CCNJL: variants seen among roughly 807,000 people sequenced by gnomAD.
The protein encoded by CCNJL is cyclin-J-like protein.
In CCNJL, 33 loss-of-function variants were observed where a neutral mutation model predicts 33.4. The observed-to-expected ratio is 0.99, with a 90% confidence interval of 0.75 to 1.32. CCNJL has a LOEUF of 1.32. CCNJL is among the 40% of genes most tolerant of loss of function. CCNJL has a pLI of 0.00. For synonymous variants in CCNJL, 227 were observed against 220.9 expected, an observed-to-expected ratio of 1.03 and a Z score of -0.24; for missense variants, 512 against 499.7, an observed-to-expected ratio of 1.02 and a Z score of -0.23.
At chr5:160,278,759 C>T (rs756385965) in intron 3 of CCNJL, among the ~76,000 whole-genome samples, 3 of 152,202 alleles carry the variant, frequency 2.0e-5, no homozygotes, top group African/African-American at 4.8e-5. Flanking sequence ...CCCAGCGGGC[C>T]GCGATGCAGC....
chr5:160,329,162 A>G (rs1056121807), intron 1 of CCNJL, among the ~76,000 whole-genome samples: 1 of 152,092 alleles, frequency 6.6e-6, no homozygotes, highest in Non-Finnish European at 1.5e-5. Flanking sequence ...ACAAAAAAAC[A>G]TTGTTTTGGA....
intron 1 of CCNJL, among the ~76,000 whole-genome samples, chr5:160,330,939 C>T (rs1000808240): frequency 6.6e-6 from 1 of 152,078 alleles, no homozygotes; most frequent in African/African-American, 2.4e-5. Flanking sequence ...AGGCGTGAGC[C>T]ACTGTGCCCG....
intron 1 of CCNJL, among the ~76,000 whole-genome samples, chr5:160,334,714 C>T (rs372326943): frequency 3.9e-5 from 6 of 152,304 alleles, no homozygotes; most frequent in East Asian, 3.9e-4. Flanking sequence ...CCGCTGTTGT[C>T]GAGCATTTCT....
At chr5:160,311,436 CATT>C (rs1395164559) in intron 2 of CCNJL, among the ~76,000 whole-genome samples, 4 of 152,194 alleles carry the variant, frequency 2.6e-5, no homozygotes, top group African/African-American at 9.7e-5. Context: ...ACTGCGACAT[CATT>C]ATTACAATAA....
intron 1 of CCNJL, among the ~76,000 whole-genome samples, chr5:160,321,978 G>A (rs1349368089): frequency 6.6e-6 from 1 of 152,198 alleles, no homozygotes; most frequent in Non-Finnish European, 1.5e-5. Context: ...GGCAGTGGGG[G>A]TGAGGAAAGG....
chr5:160,331,452 C>T (rs1386380026), intron 1 of CCNJL, among the ~76,000 whole-genome samples: 2 of 151,956 alleles, frequency 1.3e-5, no homozygotes, highest in African/African-American at 4.8e-5. Flanking sequence ...TCTTCATCTC[C>T]TGACCTCGTG....
intron 1 of CCNJL, among the ~76,000 whole-genome samples, chr5:160,337,099 G>A (rs1256436084): frequency 6.7e-6 from 1 of 149,704 alleles, no homozygotes; most frequent in Non-Finnish European, 1.5e-5. Context: ...TGCCTCCTGG[G>A]CTCAAGCAAT....
rs1051542542 is a variant in CCNJL, at chr5:160,251,378, C to T, written c.*2000G>A. The stretch of plus-strand genomic sequence containing the variant: ...CCTCTGCAATCACATGAGCCAATTC[C>T]TTAAAATAAATCTCTCTCCATATAT... On this transcript the variant is annotated 3_prime_UTR_variant, in exon 6 of 6. Transcript: ENST00000257536. 2.6e-5 allele frequency: 4 copies of T among 152,208 alleles called. No individual in the cohort carries two copies. The highest frequency in any genetic ancestry group is 4.8e-5 in the African/African-American group (2 of 41,438). 9.4% of individuals were successfully genotyped at this position (152,208 alleles called of 1,614,324 possible). A position where few individuals can be genotyped will look rare whatever the true frequency, so the allele number is the denominator to read the frequency against.
At chr5:160,254,301 C>T (rs556344188) in intron 5 of CCNJL, 8 of 665,790 alleles carry the variant, frequency 1.2e-5, no homozygotes, top group South Asian at 8.3e-5. Context: ...CCAAATTGAC[C>T]GCTGGGGCCT....
At chr5:160,289,680 A>C (rs540184630) in intron 2 of CCNJL, among the ~76,000 whole-genome samples, 10 of 152,318 alleles carry the variant, frequency 6.6e-5, no homozygotes, top group African/African-American at 2.4e-4. Context: ...AGGACTCATG[A>C]ATCACAGCCC....
rs895604675 is a variant in CCNJL, at chr5:160,270,392, C to T, written c.280+10133G>A. ...CTGGGAGGCGGAGGTTGCGGTGAGC[C>T]GAAATTGCGCCACTGCACACCAGCC... is the stretch of plus-strand genomic sequence containing the variant. On this transcript the variant is annotated intron_variant, in intron 3 of 5. Transcript: ENST00000257536. Among the ~76,000 whole-genome samples the T allele has an allele frequency of 4.0e-5, 6 of 151,604 alleles. No individual in the cohort carries two copies. The South Asian group carries it at 8.3e-4, about 21-fold the overall frequency.
rs1057214685 is a variant in CCNJL, at chr5:160,255,769, C to T, written c.584-61G>A. The stretch of plus-strand genomic sequence containing the variant: ...TCCTCCCCTTGGAATCCCAGGCCCA[C>T]CCTGAGAATGGATGGACAAATGAAT... On this transcript the variant is annotated intron_variant, in intron 4 of 5. Transcript: ENST00000257536. 23 of 1,444,974 alleles carry T rather than the reference C, an allele frequency of 1.6e-5. No individual in the cohort carries two copies. The Admixed American group carries it at 2.1e-4, about 13-fold the overall frequency. The allele number at this position is 1,444,974 out of a possible 1,614,324, so 89.5% of individuals were successfully genotyped here.
upstream of CCNJL, among the ~76,000 whole-genome samples, chr5:160,313,781 G>C (rs1763342296): frequency 6.6e-6 from 1 of 152,240 alleles, no homozygotes; most frequent in Non-Finnish European, 1.5e-5. Context: ...TTTAATGGTT[G>C]TGGGTAGATT....
intron 1 of CCNJL, among the ~76,000 whole-genome samples, chr5:160,324,627 G>GTCTATCTA (rs60714767): frequency 0.26 from 39,502 of 151,616 alleles, 5,680 homozygotes; most frequent in Non-Finnish European, 0.32. Context: ...AAAACTGTCT[G>GTCTATCTA]TCTATCTATC....
intron 2 of CCNJL, among the ~76,000 whole-genome samples, chr5:160,288,569 G>A (rs1280361658): frequency 6.6e-6 from 1 of 151,760 alleles, no homozygotes; most frequent in African/African-American, 2.4e-5. Context: ...GTTCACTGAT[G>A]AATCTTAAAA....
intron 3 of CCNJL, among the ~76,000 whole-genome samples, chr5:160,260,737 G>A (rs573539175): frequency 6.6e-6 from 1 of 152,248 alleles, no homozygotes; most frequent in South Asian, 2.1e-4. Context: ...CCTGTCCTTG[G>A]CAGTTCTTGC....
At chr5:160,316,396 A>C (rs1044535224), upstream of CCNJL, among the ~76,000 whole-genome samples, 4 of 150,452 alleles carry the variant, frequency 2.7e-5, no homozygotes, top group African/African-American at 9.8e-5. Context: ...CATTCTACTT[A>C]TCTTCAGCTT....
At chr5:160,257,946 A>C (rs1761142314) in intron 4 of CCNJL, among the ~76,000 whole-genome samples, 1 of 151,616 alleles carries the variant, frequency 6.6e-6, no homozygotes, top group Non-Finnish European at 1.5e-5. Context: ...TCCTGGGTTC[A>C]AGCAATTCTC....
intron 3 of CCNJL, among the ~76,000 whole-genome samples, chr5:160,272,702 A>C (rs4921273): frequency 0.16 from 24,565 of 152,198 alleles, 2,301 homozygotes; most frequent in East Asian, 0.36. Flanking sequence ...GCTCCCACAA[A>C]TGAAGTCAAA....
Sources: allele counts gnomAD v4.1 joint callset (sites outside exome capture counted in the v4.1 genomes callset), GRCh38; gene constraint gnomAD v4.1.1; transcripts MANE v1.5; gene names NCBI Gene and HGNC (gene_info 2026-07-23, HGNC 2026-07-21).